The following ZNG1A variants were observed in gnomAD, a reference collection of about 807,000 sequenced individuals.
ZNG1A encodes zinc-regulated GTPase metalloprotein activator 1A.
the ZNG1A span, among the ~76,000 whole-genome samples, chr9:156,170 TAA>T: frequency 1.5e-5 from 2 of 135,462 alleles, no homozygotes; most frequent in African/African-American, 2.7e-5. Context: ...TATATATATA[TAA>T]AATCTTCAAT....
chr9:145,297 C>T, the ZNG1A span, among the ~76,000 whole-genome samples: 1,971 of 150,236 alleles, frequency 0.013, 51 homozygotes, highest in African/African-American at 0.046. Flanking sequence ...TGGAACCAAC[C>T]CAAATGTCCA....
the ZNG1A span, among the ~76,000 whole-genome samples, chr9:132,309 G>GT: frequency 6.8e-6 from 1 of 147,380 alleles, no homozygotes; most frequent in Non-Finnish European, 1.5e-5. Context: ...GAAGTCAGGA[G>GT]TTTGAGACCA....
chr9:166,067 G>A, the ZNG1A span: 2 of 144,744 alleles, frequency 1.4e-5, no homozygotes, highest in African/African-American at 5.4e-5. Flanking sequence ...AATTTCAAGA[G>A]TGAGTTTTAA....
the ZNG1A span, among the ~76,000 whole-genome samples, chr9:135,831 C>T: frequency 9.3e-6 from 1 of 107,906 alleles, no homozygotes; most frequent in Non-Finnish European, 1.7e-5. Context: ...GGGAGAATGT[C>T]AAATTAAATC....
the ZNG1A span, among the ~76,000 whole-genome samples, chr9:138,972 A>G: frequency 0.21 from 31,307 of 146,782 alleles, 3,570 homozygotes; most frequent in Admixed American, 0.25. Flanking sequence ...AGAGCCACCC[A>G]CTATGCCTAC....
the ZNG1A span, chr9:177,637 T>C: frequency 1.3e-6 from 2 of 1,490,704 alleles, no homozygotes; most frequent in South Asian, 1.2e-5. Flanking sequence ...GGAGTGAAAC[T>C]ATCCCTAGAT....
chr9:160,670 AATT>A, the ZNG1A span, among the ~76,000 whole-genome samples: 2 of 151,498 alleles, frequency 1.3e-5, no homozygotes, highest in East Asian at 3.9e-4. Context: ...ATACATATAA[AATT>A]ATTCCTATAA....
chr9:154,750 C>A, the ZNG1A span: 11 of 1,598,066 alleles, frequency 6.9e-6, no homozygotes, highest in African/African-American at 1.2e-4. Context: ...CTTCTGGAAC[C>A]AGGTCTGTTT....
chr9:160,269 C>T, the ZNG1A span: 13 of 440,562 alleles, frequency 3.0e-5, no homozygotes, highest in African/African-American at 2.6e-4. Context: ...CTCAGCTTTA[C>T]TTGTGATGGG....
At chr9:157,191 C>T in the ZNG1A span, among the ~76,000 whole-genome samples, 2 of 139,842 alleles carry the variant, frequency 1.4e-5, no homozygotes, top group African/African-American at 5.4e-5. Flanking sequence ...TTTTACTGAC[C>T]TCTCCAGAGT....
the ZNG1A span, among the ~76,000 whole-genome samples, chr9:125,601 G>A: frequency 2.3e-3 from 293 of 129,394 alleles, no homozygotes; most frequent in African/African-American, 8.3e-3. Context: ...ATTTGCTTTT[G>A]GGTTCATGAA....
At chr9:142,678 G>T in the ZNG1A span, among the ~76,000 whole-genome samples, 4 of 120,936 alleles carry the variant, frequency 3.3e-5, no homozygotes, top group Non-Finnish European at 6.6e-5. Context: ...CAGAAGGCAA[G>T]AAATAACTAA....
At chr9:126,687 TG>T in the ZNG1A span, among the ~76,000 whole-genome samples, 77 of 151,872 alleles carry the variant, frequency 5.1e-4, no homozygotes, top group African/African-American at 9.4e-4. Context: ...GGATTTTTTT[TG>T]TTGTTTTGTT....
At chr9:160,240 T>C in the ZNG1A span, 5 of 453,156 alleles carry the variant, frequency 1.1e-5, no homozygotes, top group Admixed American at 2.4e-5. Context: ...TTTGGCTGGC[T>C]GGCCACAGGG....
At chr9:168,199 TAGC>T in the ZNG1A span, among the ~76,000 whole-genome samples, 1 of 127,736 alleles carries the variant, frequency 7.8e-6, no homozygotes, top group Non-Finnish European at 1.6e-5. Context: ...CTAGAAGATG[TAGC>T]TAACATCATT....
chr9:171,778 G>C, the ZNG1A span: 1 of 368,170 alleles, frequency 2.7e-6, no homozygotes, highest in South Asian at 2.7e-5. Flanking sequence ...CTTAGAGGTA[G>C]AACGTCTCTG....
the ZNG1A span, among the ~76,000 whole-genome samples, chr9:156,154 C>CATATATATATATATATAT: frequency 2.3e-4 from 31 of 134,088 alleles, no homozygotes; most frequent in Non-Finnish European, 2.8e-4. Flanking sequence ...TATTATTATA[C>CATATATATATATATATAT]ATATATATAT....
chr9:168,530 G>C, the ZNG1A span, among the ~76,000 whole-genome samples: 1 of 150,566 alleles, frequency 6.6e-6, no homozygotes, highest in African/African-American at 2.5e-5. Context: ...GAGATTACAG[G>C]CATGAGCCAC....
the ZNG1A span, chr9:178,923 T>G: frequency 8.9e-7 from 1 of 1,124,694 alleles, no homozygotes; most frequent in East Asian, 2.5e-5. Flanking sequence ...ACAATCCTCC[T>G]CCGCAGGATC....
Sources: gnomAD v4.1 joint callset for allele counts (sites outside exome capture counted in the v4.1 genomes callset) on GRCh38, gnomAD v4.1.1 for gene constraint, MANE v1.5 for transcripts, NCBI Gene and HGNC (gene_info 2026-07-23, HGNC 2026-07-21) for gene names.